The following NBPF10 variants were observed in gnomAD, a reference collection of about 807,000 sequenced individuals.
The protein encoded by NBPF10 is NBPF family member NBPF10.
In NBPF10, 63 loss-of-function variants were observed where a neutral mutation model predicts 77.9. The ratio of observed to expected loss-of-function variants is 0.81; its 90% CI spans 0.66 to 1.00. The LOEUF is 1.00. NBPF10 is among the 50% of genes least tolerant of loss of function. The pLI is 0.00. For synonymous variants in NBPF10, 146 were observed against 264.5 expected (o/e 0.55, Z 4.35); for missense variants, 522 against 679.8 (o/e 0.77, Z 2.58).
At chr1:146,067,789 T>C (rs1239307881) in intron 88 of NBPF10, among the ~76,000 whole-genome samples, 1 of 151,762 alleles carries the variant, frequency 6.6e-6, no homozygotes, top group African/African-American at 2.4e-5. Flanking sequence ...GCCACAGGTA[T>C]GGCCTGAGAC....
exon 14 of NBPF10, chr1:146,126,287 C>G (rs1293782080): frequency 1.9e-6 from 3 of 1,604,714 alleles, no homozygotes; most frequent in African/African-American, 1.3e-5. Context: ...ATGTAAAAGG[C>G]ACTTCTGTAG....
chr1:146,142,350 T>C (rs1365145684), intron 2 of NBPF10, among the ~76,000 whole-genome samples: 2 of 132,420 alleles, frequency 1.5e-5, no homozygotes, highest in Admixed American at 7.5e-5. Flanking sequence ...TAGCACACCA[T>C]TTTGATTATA....
intron 1 of NBPF10, among the ~76,000 whole-genome samples, chr1:146,143,721 C>CT (rs1171532930): frequency 4.5e-4 from 61 of 135,632 alleles, no homozygotes; most frequent in Admixed American, 6.2e-4. Flanking sequence ...GTACTCTCTG[C>CT]TTTTTATTTT....
At chr1:146,125,898 G>C (rs1179994816) in intron 14 of NBPF10, among the ~76,000 whole-genome samples, 2 of 151,330 alleles carry the variant, frequency 1.3e-5, no homozygotes, top group Non-Finnish European at 3.0e-5. Context: ...GATTTTAGAC[G>C]CTGAAATTAG....
intron 2 of NBPF10, among the ~76,000 whole-genome samples, 173 bp downstream of exon 2, chr1:146,142,477 C>T (rs75350143): frequency 2.3e-5 from 3 of 131,636 alleles, no homozygotes; most frequent in Non-Finnish European, 5.3e-5. Context: ...AACTGCAACA[C>T]AGAACTTATT....
At chr1:146,137,059 GAACT>G (rs1455193324) in intron 6 of NBPF10, among the ~76,000 whole-genome samples, 4 of 140,632 alleles carry the variant, frequency 2.8e-5, no homozygotes, top group Middle Eastern at 3.4e-3. Flanking sequence ...GCAGAATGAA[GAACT>G]AATAGATAGT....
intron 71 of NBPF10, among the ~76,000 whole-genome samples, chr1:146,081,013 A>ACACG (rs1656259592): frequency 1.3e-5 from 1 of 79,808 alleles, no homozygotes; most frequent in African/African-American, 3.3e-5. Context: ...ACACACACAC[A>ACACG]CACACACACA....
Position 146,067,308 on chromosome 1 carries a change from G to C in NBPF10, c.11036-20C>G, listed in dbSNP as rs782617538. 2.0e-5 allele frequency: 10 copies of C among 502,550 alleles called. No homozygotes were observed. Among genetic ancestry groups the C allele is most frequent in the Non-Finnish European group, 3.1e-5 (9 of 290,738 alleles). 31.1% of individuals were successfully genotyped at this position (502,550 alleles called of 1,614,324 possible). A position where few individuals can be genotyped will look rare whatever the true frequency, so the allele number is the denominator to read the frequency against. ...CAATTTCTGCAATAAATTCAGACAT[G>C]GACAGACACATTAAGCTGATTCCCC... On this transcript the variant is annotated intron_variant, in intron 88 of 89. Transcript: ENST00000583866.
At chr1:146,136,128 C>T (rs3979917) in intron 7 of NBPF10, among the ~76,000 whole-genome samples, 7 of 150,480 alleles carry the variant, frequency 4.7e-5, no homozygotes, top group African/African-American at 1.7e-4. Flanking sequence ...TTCACATCAA[C>T]AATTACTTGT....
At chr1:146,132,968 T>C (rs1193380741) in intron 10 of NBPF10, among the ~76,000 whole-genome samples, 2 of 21,842 alleles carry the variant, frequency 9.2e-5, no homozygotes, top group East Asian at 5.5e-4. Flanking sequence ...GGATCAGCCA[T>C]TGCATTGACA....
chr1:146,121,768 AG>A (rs2102152151), intron 19 of NBPF10, 98 bp from the exon 20 acceptor site: 1 of 601,092 alleles, frequency 1.7e-6, no homozygotes, highest in South Asian at 2.0e-5. Context: ...GAGTTTGAAA[AG>A]AAAAAGGACA....
chr1:146,125,994 C>T (rs879983705), intron 14 of NBPF10, among the ~76,000 whole-genome samples: 1 of 151,704 alleles, frequency 6.6e-6, no homozygotes, highest in Non-Finnish European at 1.5e-5. Flanking sequence ...GATCCAACAT[C>T]TTGAGAGTAG....
intron 88 of NBPF10, among the ~76,000 whole-genome samples, chr1:146,067,586 C>A (rs1303139563): frequency 1.3e-5 from 2 of 150,492 alleles, no homozygotes; most frequent in African/African-American, 4.9e-5. Context: ...CAAATACCCT[C>A]AATGATTTCT....
chr1:146,069,713 A>T, exon 86 of NBPF10: 1 of 796,162 alleles, frequency 1.3e-6, no homozygotes, highest in East Asian at 2.5e-5. Flanking sequence ...CTCCCTGCTG[A>T]GCCTGGAAAA....
intron 14 of NBPF10, among the ~76,000 whole-genome samples, 171 bp from the exon 15 acceptor site, chr1:146,125,687 G>C (rs1190237158): frequency 7.7e-6 from 1 of 129,960 alleles, no homozygotes; most frequent in Admixed American, 7.9e-5. Context: ...AGATTCCTTG[G>C]TTTTTGTCCC....
exon 88 of NBPF10, chr1:146,068,131 T>G: frequency 6.1e-6 from 3 of 491,966 alleles, no homozygotes; most frequent in African/African-American, 7.4e-5. Flanking sequence ...CAGTGAGTCC[T>G]GCAAGACTTC....
At position 146,140,462 on chromosome 1, in the gene NBPF10, G is replaced by A. The variant is rs370239529; in HGVS notation, c.566+22C>T. 327 of 763,082 alleles carry A rather than the reference G, an allele frequency of 4.3e-4. 31 individuals are homozygous for A. In the African/African-American group the frequency reaches 5.0e-3, roughly 12 times the overall value. The allele number at this position is 763,082 out of a possible 1,614,324, so 47.3% of individuals were successfully genotyped here. A position where few individuals can be genotyped will look rare whatever the true frequency, so the allele number is the denominator to read the frequency against. Reference sequence around the variant, plus strand: ...TTTCATACGTTACCACCCATTACTTGCTCCTGAGTATTCAGTGTTACCTGG... The same window carrying A: ...TTTCATACGTTACCACCCATTACTTACTCCTGAGTATTCAGTGTTACCTGG... On this transcript the variant is annotated intron_variant, in intron 4 of 89. Coordinates refer to ENST00000583866, the Ensembl canonical transcript of NBPF10.
In NBPF10 at chr1:146,067,238, TC is replaced by T. The variant is rs2102039370; in HGVS notation, c.11085del (p.Lys3696ArgfsTer25). 1.8e-6 allele frequency: 1 copy of T among 562,730 alleles called. No individual in the cohort carries two copies. The highest frequency in any genetic ancestry group is 3.1e-5 in the East Asian group (1 of 31,936). The allele number at this position is 562,730 out of a possible 1,614,324, so 34.9% of individuals were successfully genotyped here. On this transcript the variant is annotated frameshift_variant, in exon 89 of 90. Coordinates refer to ENST00000583866, the Ensembl canonical transcript of NBPF10. LOFTEE classifies it high-confidence loss of function. The stretch of plus-strand genomic sequence containing the variant: ...TCTTTTCTTCCCCTTCTTCTTTCCT[TC>T]TTTGATCTTCTTCCCCTTCTTTTTT...
At chr1:146,126,646 A>C (rs1425694748) in intron 13 of NBPF10, among the ~76,000 whole-genome samples, 1 of 128,076 alleles carries the variant, frequency 7.8e-6, no homozygotes, top group Non-Finnish European at 1.7e-5. Context: ...GAGCGAGCTC[A>C]GTCAATTGGT....
Sources: gnomAD v4.1 joint callset for allele counts (sites outside exome capture counted in the v4.1 genomes callset) on GRCh38, gnomAD v4.1.1 for gene constraint, MANE v1.5 for transcripts, NCBI Gene and HGNC (gene_info 2026-07-23, HGNC 2026-07-21) for gene names.